Variants in CAST observed in about 807,000 individuals in gnomAD.
CAST encodes the protein MIR583 host.
CAST carries 76 observed loss-of-function variants against 119.6 expected under a neutral mutation model. That is an observed-to-expected ratio of 0.64 (90% CI 0.53 to 0.77). The LOEUF is 0.77. CAST is among the 30% of genes least tolerant of loss of function. The probability of loss-of-function intolerance (pLI) is 0.00; values close to 1 mark genes in which losing one functional copy is unlikely to be tolerated. For missense variants in CAST, 953 were observed against 946.5 expected (o/e 1.01, Z -0.09); for synonymous variants, 319 against 331.6 (o/e 0.96, Z 0.41).
At chr5:96,234,338 T>C in the CAST span, among the ~76,000 whole-genome samples, 1 of 152,178 alleles carries the variant, frequency 6.6e-6, no homozygotes. Flanking sequence ...TAGAGATGCT[T>C]TAGATTTTAC....
At chr5:96,368,611 G>C in the CAST span, among the ~76,000 whole-genome samples, 2 of 152,018 alleles carry the variant, frequency 1.3e-5, no homozygotes, top group East Asian at 3.8e-4. Flanking sequence ...GCTCCAGTAG[G>C]AAGTGGCTGA....
At chr5:96,511,005 TC>T in the CAST span, among the ~76,000 whole-genome samples, 1 of 152,240 alleles carries the variant, frequency 6.6e-6, no homozygotes, top group South Asian at 2.1e-4. Flanking sequence ...CTGATTCTAA[TC>T]CACTCCTGGC....
the CAST span, among the ~76,000 whole-genome samples, chr5:96,474,560 C>T: frequency 6.6e-6 from 1 of 152,294 alleles, no homozygotes; most frequent in Non-Finnish European, 1.5e-5. Context: ...CTCCTCCAAA[C>T]ATGGGACGAG....
chr5:96,540,330 T>G (rs1392221980), intron 1 of CAST, among the ~76,000 whole-genome samples: 2 of 152,164 alleles, frequency 1.3e-5, no homozygotes, highest in African/African-American at 4.8e-5. Context: ...TTAAAACATT[T>G]TTTTTCCTTA....
intron 3 of CAST, among the ~76,000 whole-genome samples, chr5:96,697,326 T>C (rs745709302): frequency 1.3e-5 from 2 of 152,178 alleles, no homozygotes; most frequent in African/African-American, 4.8e-5. Context: ...GGCTATCTTA[T>C]GGAAGTCAGA....
chr5:96,097,776 G>A, the CAST span, among the ~76,000 whole-genome samples: 2 of 152,144 alleles, frequency 1.3e-5, no homozygotes, highest in Non-Finnish European at 2.9e-5. Flanking sequence ...CTTGCAAATA[G>A]TGTTGCAATG....
the CAST span, among the ~76,000 whole-genome samples, chr5:96,339,106 C>T: frequency 1.8e-4 from 27 of 152,224 alleles, no homozygotes; most frequent in African/African-American, 5.8e-4. Flanking sequence ...TCCAGCTTTA[C>T]GGGTGATTAT....
At chr5:96,523,152 G>T (rs767096536), upstream of CAST, among the ~76,000 whole-genome samples, 3 of 152,186 alleles carry the variant, frequency 2.0e-5, no homozygotes, top group Non-Finnish European at 4.4e-5. Flanking sequence ...GCCTCCTGTT[G>T]CCTTGAAAGC....
the CAST span, among the ~76,000 whole-genome samples, chr5:96,440,614 G>A: frequency 3.3e-5 from 5 of 152,016 alleles, no homozygotes; most frequent in African/African-American, 4.8e-5. Flanking sequence ...GAGGGGGTCC[G>A]TTTAAGGCTA....
chr5:96,339,906 G>C, the CAST span, among the ~76,000 whole-genome samples: 1 of 152,146 alleles, frequency 6.6e-6, no homozygotes, highest in Non-Finnish European at 1.5e-5. Flanking sequence ...TCCTGAGAGA[G>C]ACAGGTAGAC....
At chr5:96,373,981 C>T in the CAST span, among the ~76,000 whole-genome samples, 2 of 152,088 alleles carry the variant, frequency 1.3e-5, no homozygotes, top group South Asian at 2.1e-4. Flanking sequence ...TGCTGAAAGA[C>T]GTGATGTTTT....
chr5:96,147,037 C>A, the CAST span, among the ~76,000 whole-genome samples: 43 of 152,166 alleles, frequency 2.8e-4, no homozygotes, highest in African/African-American at 9.2e-4. Context: ...AGTCAGCAAG[C>A]CCTACCTGTC....
At chr5:96,085,014 C>G in the CAST span, among the ~76,000 whole-genome samples, 1 of 152,180 alleles carries the variant, frequency 6.6e-6, no homozygotes. Flanking sequence ...GACTTTTAAT[C>G]TTTCTACCCC....
At chr5:96,702,206 C>A (rs1753993044) in intron 3 of CAST, among the ~76,000 whole-genome samples, 1 of 152,002 alleles carries the variant, frequency 6.6e-6, no homozygotes, top group African/African-American at 2.4e-5. Flanking sequence ...TAATTATTTT[C>A]TCTAACTCTT....
the CAST span, among the ~76,000 whole-genome samples, chr5:96,515,113 C>T: frequency 2.0e-5 from 3 of 151,964 alleles, no homozygotes; most frequent in Non-Finnish European, 2.9e-5. Flanking sequence ...CGTGGTTTGC[C>T]CAATACCCAA....
chr5:96,699,089 T>G (rs1753609315), intron 3 of CAST, among the ~76,000 whole-genome samples: 1 of 152,182 alleles, frequency 6.6e-6, no homozygotes, highest in Admixed American at 6.5e-5. Context: ...TAGTGTAAAA[T>G]ATTTAGTTCT....
At chr5:95,974,003 G>GCA in the CAST span, among the ~76,000 whole-genome samples, 8,007 of 146,866 alleles carry the variant, frequency 0.055, 429 homozygotes, top group African/African-American at 0.14. Flanking sequence ...AAATTTGCAC[G>GCA]CACACACACA....
At chr5:96,288,264 A>T in the CAST span, among the ~76,000 whole-genome samples, 1 of 152,176 alleles carries the variant, frequency 6.6e-6, no homozygotes, top group Non-Finnish European at 1.5e-5. Flanking sequence ...TTTCCTCCTC[A>T]CATTTGGAGA....
At chr5:96,462,930 G>A in the CAST span, among the ~76,000 whole-genome samples, 10,341 of 152,058 alleles carry the variant, frequency 0.068, 1,204 homozygotes, top group African/African-American at 0.24. Flanking sequence ...TTTGCCTTCC[G>A]TCATGATTGT....
Sources: allele counts gnomAD v4.1 joint callset (sites outside exome capture counted in the v4.1 genomes callset), GRCh38; gene constraint gnomAD v4.1.1; transcripts MANE v1.5; gene names NCBI Gene and HGNC (gene_info 2026-07-23, HGNC 2026-07-21).